CELF1: variants seen among roughly 807,000 people sequenced by gnomAD.
The protein encoded by CELF1 is 50 kDa nuclear polyadenylated RNA-binding protein.
A neutral mutation model predicts 61.8 loss-of-function variants in CELF1; 10 were observed. The ratio of observed to expected loss-of-function variants is 0.16; its 90% CI spans 0.10 to 0.27. The LOEUF is 0.27. Ranked by LOEUF, CELF1 falls within the 10% of genes least tolerant of loss-of-function variation. The pLI is 1.00. For synonymous variants in CELF1, 236 were observed against 225.1 expected (o/e 1.05, Z -0.43); for missense variants, 380 against 639.1 (o/e 0.59, Z 4.37).
At chr11:47,506,722 C>T (rs892104074) in intron 1 of CELF1, 1 of 152,218 alleles carries the variant, frequency 6.6e-6, no homozygotes, top group Non-Finnish European at 1.5e-5. Flanking sequence ...ACACATTTTG[C>T]AAATGTTATC....
At chr11:47,548,000 C>T (rs1019010668) in intron 1 of CELF1, among the ~76,000 whole-genome samples, 3 of 152,080 alleles carry the variant, frequency 2.0e-5, no homozygotes, top group Non-Finnish European at 4.4e-5. Flanking sequence ...GAATTATACA[C>T]TTAAAAATGG....
At chr11:47,547,639 A>G (rs572085317) in intron 1 of CELF1, among the ~76,000 whole-genome samples, 4 of 146,108 alleles carry the variant, frequency 2.7e-5, no homozygotes, top group African/African-American at 1.0e-4. Context: ...ACTGCACTCC[A>G]GTCTAGGCGA....
At chr11:47,558,058 T>C (rs2153789692), upstream of CELF1, among the ~76,000 whole-genome samples, 1 of 152,176 alleles carries the variant, frequency 6.6e-6, no homozygotes, top group African/African-American at 2.4e-5. Flanking sequence ...GGTTTCACCA[T>C]GTTGGCCAGA....
At chr11:47,536,537 T>C (rs1257868137) in intron 1 of CELF1, among the ~76,000 whole-genome samples, 1 of 151,900 alleles carries the variant, frequency 6.6e-6, no homozygotes, top group Non-Finnish European at 1.5e-5. Flanking sequence ...GGTGAGCAGA[T>C]TACCTGAGGT....
At chr11:47,559,156 C>T (rs987857391) in intron 2 of CELF1, among the ~76,000 whole-genome samples, 1 of 148,408 alleles carries the variant, frequency 6.7e-6, no homozygotes, top group East Asian at 2.0e-4. Context: ...AGTGCAGTGG[C>T]GCAATCTCAG....
At chr11:47,511,239 G>T (rs2095132636) in intron 1 of CELF1, among the ~76,000 whole-genome samples, 2 of 151,988 alleles carry the variant, frequency 1.3e-5, no homozygotes, top group South Asian at 4.1e-4. Context: ...GTTTTTAAAC[G>T]ATCTTAAAAG....
At chr11:47,558,639 G>T (rs1238489085) in intron 2 of CELF1, among the ~76,000 whole-genome samples, 2 of 95,506 alleles carry the variant, frequency 2.1e-5, no homozygotes, top group African/African-American at 9.2e-5. Context: ...AATATAATGT[G>T]TAATATATTA....
At chr11:47,489,935 G>GTATTTTTTTTTTTTTT (rs2090198065) in intron 3 of CELF1, among the ~76,000 whole-genome samples, 1 of 48,226 alleles carries the variant, frequency 2.1e-5, no homozygotes, top group Non-Finnish European at 3.9e-5. Context: ...ATACCATCTT[G>GTATTTTTTTTTTTTTT]TTTTTTTTTT....
chr11:47,477,076 A>G (rs1317504020), intron 11 of CELF1, 117 bp from the exon 12 acceptor site: 1 of 961,344 alleles, frequency 1.0e-6, no homozygotes, highest in Non-Finnish European at 1.6e-6. Flanking sequence ...TACTAATTCT[A>G]ACAACTGTCC....
intron 1 of CELF1, among the ~76,000 whole-genome samples, chr11:47,505,670 G>T (rs991054033): frequency 2.7e-5 from 4 of 147,138 alleles, no homozygotes; most frequent in Non-Finnish European, 4.5e-5. Flanking sequence ...CAGTATGTTA[G>T]CCGGGCACAG....
At chr11:47,532,468 C>T (rs1007845270) in intron 1 of CELF1, among the ~76,000 whole-genome samples, 18 of 152,220 alleles carry the variant, frequency 1.2e-4, no homozygotes, top group African/African-American at 2.4e-5. Context: ...AAGAGGCAGA[C>T]GCTGCCTGCC....
At chr11:47,523,979 T>C (rs944949139) in intron 1 of CELF1, 10 of 152,210 alleles carry the variant, frequency 6.6e-5, no homozygotes, top group Admixed American at 1.3e-4. Flanking sequence ...CTGCTATTCC[T>C]TAAACAGACA....
At chr11:47,549,204 C>A (rs951818310) in intron 1 of CELF1, among the ~76,000 whole-genome samples, 1 of 152,148 alleles carries the variant, frequency 6.6e-6, no homozygotes, top group African/African-American at 2.4e-5. Flanking sequence ...TATAGGGGTT[C>A]TTCAAAAAAC....
intron 1 of CELF1, among the ~76,000 whole-genome samples, chr11:47,538,141 G>T (rs983822019): frequency 1.3e-5 from 2 of 151,994 alleles, no homozygotes; most frequent in African/African-American, 4.8e-5. Context: ...TCAAACTCCT[G>T]GCCTCAAGCA....
At chr11:47,513,329 A>C (rs987823279) in intron 1 of CELF1, among the ~76,000 whole-genome samples, 1 of 152,228 alleles carries the variant, frequency 6.6e-6, no homozygotes, top group Non-Finnish European at 1.5e-5. Flanking sequence ...TTAATTCCCC[A>C]GTTTATCTGG....
At chr11:47,495,173 T>C (rs1399490902) in intron 3 of CELF1, among the ~76,000 whole-genome samples, 3 of 152,126 alleles carry the variant, frequency 2.0e-5, no homozygotes, top group Non-Finnish European at 4.4e-5. Context: ...AAGTTGCAAC[T>C]AGAGATAGCA....
intron 10 of CELF1, among the ~76,000 whole-genome samples, chr11:47,478,080 G>A (rs1489840436): frequency 6.6e-6 from 1 of 152,130 alleles, no homozygotes; most frequent in Non-Finnish European, 1.5e-5. Flanking sequence ...GATGGATGGG[G>A]TGAGGGGTGG....
intron 1 of CELF1, among the ~76,000 whole-genome samples, chr11:47,528,890 CAA>C (rs112934426): frequency 1.4e-5 from 2 of 140,942 alleles, no homozygotes. Flanking sequence ...GACCCTGCCT[CAA>C]AAAAAAAAAG....
At chr11:47,560,963 C>T (rs2097222937) in intron 2 of CELF1, among the ~76,000 whole-genome samples, 1 of 149,436 alleles carries the variant, frequency 6.7e-6, no homozygotes, top group African/African-American at 2.5e-5. Flanking sequence ...ATGGTGAAAC[C>T]CCGTCTCTAC....
Sources: gnomAD v4.1 joint callset for allele counts (sites outside exome capture counted in the v4.1 genomes callset) on GRCh38, gnomAD v4.1.1 for gene constraint, MANE v1.5 for transcripts, NCBI Gene and HGNC (gene_info 2026-07-23, HGNC 2026-07-21) for gene names.